B4GALT5: variants seen among roughly 807,000 people sequenced by gnomAD.
The protein encoded by B4GALT5 is UDP-Gal:beta-GlcNAc beta-1,4-galactosyltransferase 5.
Under a neutral mutation model 45.0 loss-of-function variants are expected in B4GALT5, and 11 were observed. That is an observed-to-expected ratio of 0.24 (90% confidence interval 0.15 to 0.40). The LOEUF (loss-of-function observed/expected upper bound fraction) is 0.40, where lower values mean the gene tolerates loss of function less well. B4GALT5 is among the 10% of genes least tolerant of loss of function. The pLI, the probability that B4GALT5 is intolerant of heterozygous loss-of-function variation, is 1.00. For missense variants in B4GALT5, 337 were observed against 500.2 expected, an observed-to-expected ratio of 0.67 and a Z score of 3.11; for synonymous variants, 185 against 182.9, an observed-to-expected ratio of 1.01 and a Z score of -0.09.
chr20:49,663,689 AAATATATACATATAT>A (rs1568722569), intron 1 of B4GALT5, among the ~76,000 whole-genome samples: 2 of 86,252 alleles, frequency 2.3e-5, no homozygotes, highest in African/African-American at 9.3e-5. Context: ...AAAAAAAAAA[AAATATATACATATAT>A]ATATATATAT....
At chr20:49,675,026 C>A (rs1216078700) in intron 1 of B4GALT5, among the ~76,000 whole-genome samples, 1 of 152,068 alleles carries the variant, frequency 6.6e-6, no homozygotes, top group Non-Finnish European at 1.5e-5. Context: ...GCAAAAAATC[C>A]CGGGAAAAAT....
chr20:49,636,551 G>A, intron 8 of B4GALT5, 92 bp from the exon 9 acceptor site: 1 of 1,431,376 alleles, frequency 7.0e-7, no homozygotes, highest in Non-Finnish European at 9.6e-7. Context: ...CACAGCAGAG[G>A]ACGCAACCCA....
chr20:49,708,609 G>T (rs866710231), intron 1 of B4GALT5, among the ~76,000 whole-genome samples: 1 of 152,222 alleles, frequency 6.6e-6, no homozygotes, highest in South Asian at 2.1e-4. Context: ...CAGTAATCAA[G>T]GAAAGAGAAA....
At chr20:49,695,241 G>A (rs2085834096) in intron 1 of B4GALT5, among the ~76,000 whole-genome samples, 1 of 148,646 alleles carries the variant, frequency 6.7e-6, no homozygotes, top group Non-Finnish European at 1.5e-5. Flanking sequence ...TGCTCATGTT[G>A]CCCAGGCTGG....
chr20:49,682,491 C>T (rs1229448694), intron 1 of B4GALT5, among the ~76,000 whole-genome samples: 1 of 152,210 alleles, frequency 6.6e-6, no homozygotes, highest in Non-Finnish European at 1.5e-5. Context: ...TGAAGATACC[C>T]ATGCAAGCTC....
At chr20:49,657,437 A>C (rs117003425) in intron 1 of B4GALT5, among the ~76,000 whole-genome samples, 347 of 152,320 alleles carry the variant, frequency 2.3e-3, no homozygotes, top group Non-Finnish European at 3.7e-3. Context: ...AAGTCTCTCT[A>C]TGATACAAAA....
chr20:49,667,947 T>C (rs2085698931), intron 1 of B4GALT5, among the ~76,000 whole-genome samples: 1 of 152,196 alleles, frequency 6.6e-6, no homozygotes, highest in Non-Finnish European at 1.5e-5. Flanking sequence ...TTTTTTAAGA[T>C]ACAAGGAATT....
intron 4 of B4GALT5, among the ~76,000 whole-genome samples, chr20:49,643,026 T>A (rs373083420): frequency 5.3e-5 from 8 of 152,362 alleles, no homozygotes; most frequent in African/African-American, 1.9e-4. Flanking sequence ...TTAACGAGGC[T>A]GGCACAGAAT....
chr20:49,686,967 T>C (rs1225355194), intron 1 of B4GALT5, among the ~76,000 whole-genome samples: 1 of 152,050 alleles, frequency 6.6e-6, no homozygotes, highest in Admixed American at 6.5e-5. Context: ...CTTGAGTAAC[T>C]CAAAATCCAA....
chr20:49,693,059 T>C (rs1339124988), intron 1 of B4GALT5, among the ~76,000 whole-genome samples: 5 of 152,354 alleles, frequency 3.3e-5, no homozygotes, highest in Admixed American at 6.5e-5. Context: ...CTACGAATAA[T>C]AGGCTATACC....
intron 1 of B4GALT5, among the ~76,000 whole-genome samples, chr20:49,712,889 A>G (rs2085922749): frequency 2.5e-5 from 3 of 119,988 alleles, no homozygotes; most frequent in Admixed American, 8.4e-5. Context: ...GATTAGCAGG[A>G]GATTGAATGG....
At chr20:49,684,557 C>G in intron 1 of B4GALT5, 1 of 515,436 alleles carries the variant, frequency 1.9e-6, no homozygotes, top group Non-Finnish European at 3.9e-6. Flanking sequence ...AGCAAGACTC[C>G]TCAAGAAGAA....
intron 8 of B4GALT5, 84 bp downstream of exon 8, chr20:49,637,257 A>C: frequency 4.1e-6 from 5 of 1,226,108 alleles, no homozygotes; most frequent in South Asian, 1.2e-5. Flanking sequence ...GGGGAGTAGG[A>C]GAAGGGGCTG....
chr20:49,661,007 T>C (rs1482220171), intron 1 of B4GALT5, among the ~76,000 whole-genome samples: 1 of 152,148 alleles, frequency 6.6e-6, no homozygotes, highest in Non-Finnish European at 1.5e-5. Context: ...AGGCCATGGC[T>C]CTGGCCTAAA....
chr20:49,692,829 A>C (rs559618659), intron 1 of B4GALT5, among the ~76,000 whole-genome samples: 158 of 152,330 alleles, frequency 1.0e-3, no homozygotes, highest in African/African-American at 3.5e-3. Context: ...CACCAAAAAA[A>C]ATTATCCAAA....
chr20:49,700,287 T>C (rs1001994522), intron 1 of B4GALT5, among the ~76,000 whole-genome samples: 6 of 152,164 alleles, frequency 3.9e-5, no homozygotes, highest in Admixed American at 2.6e-4. Flanking sequence ...ACAACAACAA[T>C]AAAATGGAAC....
At chr20:49,707,709 G>T (rs769304953) in intron 1 of B4GALT5, among the ~76,000 whole-genome samples, 1 of 152,178 alleles carries the variant, frequency 6.6e-6, no homozygotes, top group East Asian at 1.9e-4. Context: ...CGACCTCCCA[G>T]GCTCAGGTGA....
intron 1 of B4GALT5, among the ~76,000 whole-genome samples, chr20:49,656,922 A>T (rs2273088): frequency 6.6e-6 from 1 of 151,824 alleles, no homozygotes. Flanking sequence ...TCAATATCCA[A>T]CAGTTCTAGA....
intron 1 of B4GALT5, among the ~76,000 whole-genome samples, chr20:49,658,263 C>T (rs1053053460): frequency 1.3e-5 from 2 of 152,084 alleles, no homozygotes; most frequent in Non-Finnish European, 2.9e-5. Flanking sequence ...GCAGGAGTAA[C>T]ACCTCATTCT....
Sources: gnomAD v4.1 joint callset for allele counts (sites outside exome capture counted in the v4.1 genomes callset) on GRCh38, gnomAD v4.1.1 for gene constraint, MANE v1.5 for transcripts, NCBI Gene and HGNC (gene_info 2026-07-23, HGNC 2026-07-21) for gene names.